NFIL3: variants seen among roughly 807,000 people sequenced by gnomAD.
The protein encoded by NFIL3 is nuclear factor, interleukin 3 regulated, also known as nuclear factor interleukin-3-regulated protein.
A neutral mutation model predicts 10.0 loss-of-function variants in NFIL3; 5 were observed. The observed-to-expected ratio is 0.50, with a 90% CI of 0.26 to 1.06. The LOEUF is 1.06. NFIL3 is among the 50% of genes least tolerant of loss of function. The pLI, the probability that NFIL3 is intolerant of heterozygous loss-of-function variation, is 0.13. For missense variants in NFIL3, 436 were observed against 547.6 expected, an observed-to-expected ratio of 0.80 and a Z score of 2.03; for synonymous variants, 202 against 206.5, an observed-to-expected ratio of 0.98 and a Z score of 0.19.
At chr9:91,461,508 T>C in the NFIL3 span, among the ~76,000 whole-genome samples, 5 of 152,198 alleles carry the variant, frequency 3.3e-5, no homozygotes, top group African/African-American at 1.2e-4. Context: ...CTCCTAGATC[T>C]GGAGGTCAGA....
the NFIL3 span, among the ~76,000 whole-genome samples, chr9:91,481,662 AAAC>A: frequency 4.6e-5 from 7 of 152,116 alleles, no homozygotes; most frequent in Non-Finnish European, 1.0e-4. Context: ...CGTTTTTTGT[AAAC>A]AACACAAGAA....
intron 1 of NFIL3, among the ~76,000 whole-genome samples, chr9:91,420,845 A>C (rs1314379531): frequency 6.6e-6 from 1 of 152,012 alleles, no homozygotes; most frequent in African/African-American, 2.4e-5. Context: ...TTTAGATTTT[A>C]TTTTGAACTC....
the NFIL3 span, among the ~76,000 whole-genome samples, chr9:91,453,337 G>A: frequency 6.6e-5 from 10 of 152,002 alleles, no homozygotes; most frequent in South Asian, 2.1e-4. Flanking sequence ...AGGTACTGGC[G>A]TTTAGGACTC....
the NFIL3 span, among the ~76,000 whole-genome samples, chr9:91,472,433 T>G: frequency 1.1e-4 from 16 of 152,206 alleles, no homozygotes; most frequent in African/African-American, 3.9e-4. Context: ...AAACTTCTCT[T>G]CTCGCTTCAT....
At chr9:91,477,356 T>A in the NFIL3 span, among the ~76,000 whole-genome samples, 1 of 152,214 alleles carries the variant, frequency 6.6e-6, no homozygotes, top group African/African-American at 2.4e-5. Context: ...TCTCTGCAGC[T>A]GCAGAAAATG....
chr9:91,410,855 G>T lies in NFIL3; in HGVS notation c.-121C>A. ...TATTCTTCCTTTTGTTCTACCGTCT[G>T]GGATAAATCCGTCAGGCTCCTTATT... is the stretch of plus-strand genomic sequence containing the variant. On this transcript the variant is annotated 5_prime_UTR_variant, in exon 2 of 2. Coordinates refer to ENST00000297689, the MANE Select transcript of NFIL3 (RefSeq NM_005384.3). This position sits in a 1 kb window ranked among gnomAD's most constrained non-coding sequence, Gnocchi z 5.7. The T allele has an allele frequency of 1.9e-6, 2 of 1,079,160 alleles. No individual in the cohort carries two copies. The highest frequency in any genetic ancestry group is 3.1e-5 in the Admixed American group (1 of 31,854). The allele number at this position is 1,079,160 out of a possible 1,614,324, so 66.8% of individuals were successfully genotyped here.
At chr9:91,474,856 C>CA in the NFIL3 span, among the ~76,000 whole-genome samples, 4 of 152,200 alleles carry the variant, frequency 2.6e-5, no homozygotes, top group African/African-American at 9.6e-5. Context: ...AATACAACTT[C>CA]ATTTACAAAA....
chr9:91,417,813 TACAC>T (rs1048737056), intron 1 of NFIL3, among the ~76,000 whole-genome samples: 2 of 151,988 alleles, frequency 1.3e-5, no homozygotes, highest in African/African-American at 4.8e-5. Flanking sequence ...CACACACACA[TACAC>T]ACACACTCTC....
At chr9:91,469,326 CTGTT>C in the NFIL3 span, among the ~76,000 whole-genome samples, 2 of 152,096 alleles carry the variant, frequency 1.3e-5, no homozygotes, top group African/African-American at 4.8e-5. Flanking sequence ...ATTTGGCTCT[CTGTT>C]TGTCTGTTAT....
chr9:91,432,052 C>T, the NFIL3 span, among the ~76,000 whole-genome samples: 38 of 152,174 alleles, frequency 2.5e-4, no homozygotes, highest in African/African-American at 6.5e-4. Flanking sequence ...CAGATGGGCA[C>T]CTCCCATCAC....
chr9:91,471,847 G>T, the NFIL3 span, among the ~76,000 whole-genome samples: 1 of 152,180 alleles, frequency 6.6e-6, no homozygotes, highest in Non-Finnish European at 1.5e-5. Flanking sequence ...GGTACCAGTT[G>T]TTCCTTTCCA....
intron 1 of NFIL3, among the ~76,000 whole-genome samples, chr9:91,420,352 T>TAC (rs144270881): frequency 0.098 from 14,096 of 144,342 alleles, 643 homozygotes; most frequent in Non-Finnish European, 0.11. Context: ...TGAAGGTAAA[T>TAC]ACACACACAC....
the NFIL3 span, among the ~76,000 whole-genome samples, chr9:91,432,470 G>A: frequency 6.6e-6 from 1 of 152,284 alleles, no homozygotes; most frequent in African/African-American, 2.4e-5. Context: ...ATTTCTTTCG[G>A]AACCTGTCAA....
At chr9:91,480,545 T>C in the NFIL3 span, among the ~76,000 whole-genome samples, 3 of 152,092 alleles carry the variant, frequency 2.0e-5, no homozygotes, top group Admixed American at 6.6e-5. Flanking sequence ...CTAGATGAAT[T>C]ACGGAGCTAA....
At chr9:91,480,401 CAT>C in the NFIL3 span, among the ~76,000 whole-genome samples, 2 of 152,130 alleles carry the variant, frequency 1.3e-5, no homozygotes, top group Admixed American at 6.5e-5. Context: ...AAACATGAAA[CAT>C]AGAATATTCT....
At chr9:91,411,511 T>G (rs1393133604) in intron 1 of NFIL3, among the ~76,000 whole-genome samples, 5 of 152,226 alleles carry the variant, frequency 3.3e-5, no homozygotes, top group South Asian at 2.1e-4. Context: ...CTGTTGGTTT[T>G]AATCTACACC....
chr9:91,470,946 G>A, the NFIL3 span, among the ~76,000 whole-genome samples: 1 of 152,136 alleles, frequency 6.6e-6, no homozygotes, highest in Non-Finnish European at 1.5e-5. Flanking sequence ...CCAACTAAGT[G>A]GTCAATTTTG....
chr9:91,481,234 T>A, the NFIL3 span, among the ~76,000 whole-genome samples: 1 of 152,070 alleles, frequency 6.6e-6, no homozygotes, highest in African/African-American at 2.4e-5. Flanking sequence ...TAATTTGAGA[T>A]AATTTTTAAA....
the NFIL3 span, among the ~76,000 whole-genome samples, chr9:91,433,122 T>C: frequency 7.2e-5 from 11 of 152,230 alleles, no homozygotes; most frequent in African/African-American, 2.7e-4. Flanking sequence ...CATATGTTCA[T>C]TTACTTATGT....
Sources: gnomAD v4.1 joint callset for allele counts (sites outside exome capture counted in the v4.1 genomes callset) on GRCh38, gnomAD v4.1.1 for gene constraint, Gnocchi (gnomAD v3.1) non-coding constraint, MANE v1.5 for transcripts, NCBI Gene and HGNC (gene_info 2026-07-23, HGNC 2026-07-21) for gene names.